Variants in RND3 observed in about 807,000 individuals in gnomAD.
RND3 encodes the protein rho-related GTP-binding protein RhoE.
A neutral mutation model predicts 26.5 loss-of-function variants in RND3; 8 were observed. The ratio of observed to expected loss-of-function variants is 0.30; its 90% confidence interval spans 0.18 to 0.54. The LOEUF (loss-of-function observed/expected upper bound fraction) is 0.54, where lower values mean the gene tolerates loss of function less well. Ranked by LOEUF, RND3 falls within the 20% of genes least tolerant of loss-of-function variation. The probability of loss-of-function intolerance (pLI) is 0.94; values close to 1 mark genes in which losing one functional copy is unlikely to be tolerated. For missense variants in RND3, 207 were observed against 302.8 expected (o/e 0.68, Z 2.35); for synonymous variants, 113 against 113.0 (o/e 1.00, Z 0.00).
chr2:150,484,769 A>T (rs1252184318), intron 3 of RND3, among the ~76,000 whole-genome samples: 1 of 152,214 alleles, frequency 6.6e-6, no homozygotes, highest in African/African-American at 2.4e-5. Context: ...CCAGGGAGAT[A>T]GGGGATTTGC....
At chr2:150,472,633 C>A (rs1235161568) in intron 4 of RND3, among the ~76,000 whole-genome samples, 1 of 152,092 alleles carries the variant, frequency 6.6e-6, no homozygotes, top group African/African-American at 2.4e-5. Flanking sequence ...GATCTTTGGC[C>A]TTTGAGGGCA....
intron 4 of RND3, among the ~76,000 whole-genome samples, chr2:150,474,354 A>G (rs146221221): frequency 1.1e-4 from 17 of 152,332 alleles, no homozygotes; most frequent in African/African-American, 4.1e-4. Flanking sequence ...ATACCTGGTC[A>G]TAATTACTAG....
At chr2:150,470,511 G>A (rs1480344013) in intron 5 of RND3, among the ~76,000 whole-genome samples, 1 of 152,138 alleles carries the variant, frequency 6.6e-6, no homozygotes, top group Non-Finnish European at 1.5e-5. Context: ...AATGCTAAAG[G>A]CTGATCTTAA....
At chr2:150,472,617 A>G (rs1255618384) in intron 4 of RND3, among the ~76,000 whole-genome samples, 1 of 152,166 alleles carries the variant, frequency 6.6e-6, no homozygotes, top group Non-Finnish European at 1.5e-5. Context: ...CAGGGCGGTC[A>G]CAGGAGATCT....
chr2:150,486,648 C>G lies in RND3; in HGVS notation c.238+46G>C, dbSNP rs764835857. 1 of 1,354,288 alleles carries G rather than the reference C, an allele frequency of 7.4e-7. No homozygotes were observed. Among genetic ancestry groups the G allele is most frequent in the Admixed American group, 1.7e-5 (1 of 59,680 alleles). The allele number at this position is 1,354,288 out of a possible 1,614,324, so 83.9% of individuals were successfully genotyped here. A position where few individuals can be genotyped will look rare whatever the true frequency, so the allele number is the denominator to read the frequency against. On this transcript the variant is annotated intron_variant, in intron 3 of 5. Coordinates refer to ENST00000263895, the MANE Select transcript of RND3 (RefSeq NM_005168.5). This position sits in a 1 kb window ranked among gnomAD's most constrained non-coding sequence, Gnocchi z 4.5. ...CCGAGACCCGCCGCGCATCCCCCAG[C>G]GACTGGAAACCCGCCCCAAGCGCCA...
chr2:150,485,934 T>C (rs1204942011), intron 3 of RND3, among the ~76,000 whole-genome samples: 1 of 151,314 alleles, frequency 6.6e-6, no homozygotes, highest in Non-Finnish European at 1.5e-5. Flanking sequence ...CAAAGGCGAA[T>C]AGTGTTGCCC....
intron 5 of RND3, among the ~76,000 whole-genome samples, chr2:150,470,758 AT>A (rs1231905587): frequency 6.6e-6 from 1 of 152,176 alleles, no homozygotes; most frequent in Non-Finnish European, 1.5e-5. Flanking sequence ...GGCCGTGGCG[AT>A]GTGGCCTTGA....
chr2:150,474,177 C>T (rs1481464004), intron 4 of RND3, among the ~76,000 whole-genome samples: 1 of 152,180 alleles, frequency 6.6e-6, no homozygotes, highest in African/African-American at 2.4e-5. Context: ...TTCCTGTGAC[C>T]CATCCTGTAA....
At position 150,487,265 on chromosome 2, in the gene RND3, C is replaced by T; in HGVS notation, c.150+3G>A. ...CGTGGAAGCCGCGGCCGGCCACACT[C>T]ACCTCGGGGAAGCAGTCCTTGGCGA... On this transcript the variant is annotated splice_donor_region_variant and intron_variant, in intron 2 of 5. Coordinates refer to ENST00000263895, the MANE Select transcript of RND3 (RefSeq NM_005168.5). 6.3e-7 allele frequency: 1 copy of T among 1,583,936 alleles called. No homozygotes were observed. The highest frequency in any genetic ancestry group is 8.6e-7 in the Non-Finnish European group (1 of 1,164,710).
chr2:150,470,706 T>C (rs1686072728), intron 5 of RND3, among the ~76,000 whole-genome samples: 1 of 152,158 alleles, frequency 6.6e-6, no homozygotes, highest in Non-Finnish European at 1.5e-5. Context: ...GTAAGTTAGC[T>C]GAAGGTCATG....
chr2:150,487,220 A>T, intron 2 of RND3, 48 bp downstream of exon 2: 1 of 1,445,188 alleles, frequency 6.9e-7, no homozygotes, highest in African/African-American at 1.5e-5. Flanking sequence ...CGGGACTGGG[A>T]TCCCACTGGC....
At position 150,486,665 on chromosome 2, in the gene RND3, C is replaced by G; in HGVS notation, c.238+29G>C. On this transcript the variant is annotated intron_variant, in intron 3 of 5. Transcript: ENST00000263895. This position sits in a 1 kb window ranked among gnomAD's most constrained non-coding sequence, Gnocchi z 4.5. ...TCCCCCAGCGACTGGAAACCCGCCC[C>G]AAGCGCCACGCGGTCCTCCCACTCT... 1 of 1,523,684 alleles carries G rather than the reference C, an allele frequency of 6.6e-7. No homozygotes were observed. The highest frequency in any genetic ancestry group is 9.1e-7 in the Non-Finnish European group (1 of 1,097,514). The allele number at this position is 1,523,684 out of a possible 1,614,324, so 94.4% of individuals were successfully genotyped here.
At chr2:150,481,911 T>C (rs1686280460) in intron 3 of RND3, among the ~76,000 whole-genome samples, 1 of 152,196 alleles carries the variant, frequency 6.6e-6, no homozygotes, top group African/African-American at 2.4e-5. Context: ...ATATAACAGC[T>C]TAGATAGACT....
intron 3 of RND3, among the ~76,000 whole-genome samples, chr2:150,478,463 C>T (rs958379856): frequency 1.3e-5 from 2 of 149,118 alleles, no homozygotes; most frequent in South Asian, 2.1e-4. Context: ...TAAAGAGGGG[C>T]AGAAATGACA....
In RND3 at chr2:150,470,056, G is replaced by A. The variant is rs1686058140; in HGVS notation, c.666C>T (p.Ser222=). ...TAGCAACTGCCGAGAGTTCTGGTCT[G>A]CTAGGCATGTGTGAAATCCGCTTTG... ...RATKRISHMP[S]RPELSAVATD... is the part of the protein sequence containing the mutation. Residue 222 remains serine (S), a synonymous_variant, in exon 6 of 6, where the codon AGC becomes AGT. Transcript: ENST00000263895. 1 of 1,613,932 alleles carries A rather than the reference G, an allele frequency of 6.2e-7. No individual in the cohort carries two copies. Among genetic ancestry groups the A allele is most frequent in the African/African-American group, 1.3e-5 (1 of 74,910 alleles).
chr2:150,475,032 T>A (rs1175926669), intron 3 of RND3, 48 bp from the exon 4 acceptor site: 11 of 1,173,938 alleles, frequency 9.4e-6, no homozygotes, highest in Non-Finnish European at 1.4e-5. Flanking sequence ...AGTCCCCTTG[T>A]CTGTCATGCA....
At position 150,487,317 on chromosome 2, in the gene RND3, C is replaced by T. The variant is rs779158844; in HGVS notation, c.101G>A (p.Cys34Tyr). The T allele has an allele frequency of 6.2e-7, 1 of 1,605,854 alleles. No homozygotes were observed. Among genetic ancestry groups the T allele is most frequent in the Admixed American group, 1.7e-5 (1 of 59,370 alleles). The change falls in exon 2 of 6, where the codon TGT (cysteine) becomes TAT (tyrosine). Residue 34 changes from cysteine (C) to tyrosine (Y), a missense_variant. Cys to Tyr is a radical substitution (Grantham distance 194). Coordinates refer to ENST00000263895, the MANE Select transcript of RND3 (RefSeq NM_005168.5). ...CKIVVVGDSQ[C>Y]GKTALLHVFA... is the part of the protein sequence containing the mutation. ...GACATGGAGCAGCGCAGTTTTTCCA[C>T]ACTGACTGTCTCCCACCACAACTAT...
At chr2:150,485,413 AC>A (rs1686341881) in intron 3 of RND3, 1 of 152,122 alleles carries the variant, frequency 6.6e-6, no homozygotes, top group Non-Finnish European at 1.5e-5. Flanking sequence ...TCACAGAAAC[AC>A]CTCCACGAGG....
chr2:150,484,863 GT>G (rs1686331991), intron 3 of RND3, among the ~76,000 whole-genome samples: 1 of 152,168 alleles, frequency 6.6e-6, no homozygotes, highest in Non-Finnish European at 1.5e-5. Flanking sequence ...GCTCCACCCC[GT>G]GCCAAAATAA....
Sources: allele counts gnomAD v4.1 joint callset (sites outside exome capture counted in the v4.1 genomes callset), GRCh38; gene constraint gnomAD v4.1.1; non-coding constraint Gnocchi (gnomAD v3.1); transcripts MANE v1.5; gene names NCBI Gene and HGNC (gene_info 2026-07-23, HGNC 2026-07-21).